SUGCT: variants seen among roughly 807,000 people sequenced by gnomAD.
SUGCT encodes the protein succinyl-CoA:glutarate CoA-transferase.
Under a neutral mutation model 55.0 loss-of-function variants are expected in SUGCT, and 41 were observed. That is an observed-to-expected ratio of 0.74 (90% CI 0.58 to 0.97). The LOEUF is 0.97. Among genes scored for constraint, SUGCT ranks in the 50% least tolerant of loss-of-function variants. The pLI is 0.00. For missense variants in SUGCT, 568 were observed against 547.8 expected (o/e 1.04, Z -0.37); for synonymous variants, 187 against 200.4 (o/e 0.93, Z 0.56).
chr7:40,377,226 CT>C (rs1784639133), intron 9 of SUGCT, among the ~76,000 whole-genome samples: 1 of 14,714 alleles, frequency 6.8e-5, no homozygotes, highest in Non-Finnish European at 2.0e-4. Context: ...TCTTTTCTTT[CT>C]TTCTTCCCTT....
At chr7:40,390,297 A>G (rs539986582) in intron 9 of SUGCT, among the ~76,000 whole-genome samples, 3 of 152,276 alleles carry the variant, frequency 2.0e-5, no homozygotes, top group African/African-American at 2.4e-5. Context: ...CAATCAGGCA[A>G]GAGAAAGAAA....
intron 9 of SUGCT, among the ~76,000 whole-genome samples, chr7:40,434,835 T>C (rs1223530967): frequency 6.6e-6 from 1 of 152,170 alleles, no homozygotes; most frequent in East Asian, 1.9e-4. Context: ...TATAAATGTC[T>C]ATACATATAT....
intron 1 of SUGCT, among the ~76,000 whole-genome samples, chr7:40,143,288 A>G (rs1788081678): frequency 1.3e-5 from 2 of 152,240 alleles, no homozygotes; most frequent in East Asian, 3.8e-4. Flanking sequence ...ACTTCACTGC[A>G]TCCTGTTAAG....
At chr7:40,931,838 A>G in the SUGCT span, among the ~76,000 whole-genome samples, 3 of 152,066 alleles carry the variant, frequency 2.0e-5, no homozygotes, top group East Asian at 5.8e-4. Flanking sequence ...TCTTGCTAGC[A>G]GTCTATCAAT....
chr7:40,280,124 A>G (rs1416720129), intron 8 of SUGCT, among the ~76,000 whole-genome samples: 12 of 152,228 alleles, frequency 7.9e-5, no homozygotes. Flanking sequence ...TTATTAACTC[A>G]GAAATGATTG....
intron 8 of SUGCT, among the ~76,000 whole-genome samples, chr7:40,297,846 A>G (rs1418019443): frequency 6.6e-6 from 1 of 152,122 alleles, no homozygotes; most frequent in Non-Finnish European, 1.5e-5. Flanking sequence ...AAACTCAGAG[A>G]CGAAATTTTT....
chr7:40,366,436 C>T (rs1425904458), intron 9 of SUGCT, among the ~76,000 whole-genome samples: 2 of 151,954 alleles, frequency 1.3e-5, no homozygotes. Context: ...AACTAAAGAG[C>T]TTCTGCACAG....
intron 9 of SUGCT, among the ~76,000 whole-genome samples, chr7:40,395,315 C>T (rs1785662403): frequency 6.6e-6 from 1 of 151,594 alleles, no homozygotes; most frequent in Admixed American, 6.6e-5. Flanking sequence ...ATGGTGAAAC[C>T]TCGTCTCTAC....
At chr7:40,762,416 GT>G (rs1199816019) in intron 13 of SUGCT, among the ~76,000 whole-genome samples, 1 of 152,166 alleles carries the variant, frequency 6.6e-6, no homozygotes, top group Admixed American at 6.5e-5. Context: ...TGACAGTGAG[GT>G]TTATGATAGC....
the SUGCT span, among the ~76,000 whole-genome samples, chr7:40,969,867 C>T: frequency 1.3e-5 from 2 of 152,078 alleles, no homozygotes; most frequent in East Asian, 3.8e-4. Flanking sequence ...TGCTTAGTTC[C>T]ACAGGATAAT....
the SUGCT span, among the ~76,000 whole-genome samples, chr7:41,009,057 G>A: frequency 6.6e-6 from 1 of 152,056 alleles, no homozygotes; most frequent in South Asian, 2.1e-4. Flanking sequence ...CAGTTCTAAA[G>A]AATGCAATTT....
chr7:40,338,646 C>T (rs113486369), intron 9 of SUGCT, among the ~76,000 whole-genome samples: 2,328 of 152,194 alleles, frequency 0.015, 49 homozygotes, highest in South Asian at 0.06. Context: ...GTTAGCCATT[C>T]GTCTTATCTT....
At chr7:40,638,374 A>AAGCAG (rs1275818496) in intron 12 of SUGCT, among the ~76,000 whole-genome samples, 1 of 152,210 alleles carries the variant, frequency 6.6e-6, no homozygotes, top group Non-Finnish European at 1.5e-5. Context: ...AGAGTAGGTG[A>AAGCAG]AGCTCTGGCT....
At chr7:40,695,950 A>G (rs1784916781) in intron 12 of SUGCT, among the ~76,000 whole-genome samples, 1 of 152,190 alleles carries the variant, frequency 6.6e-6, no homozygotes, top group East Asian at 1.9e-4. Flanking sequence ...GAGGTTGAGT[A>G]GCTTTTCTAA....
chr7:40,227,043 C>CTTTTTTT (rs35073564), intron 6 of SUGCT, among the ~76,000 whole-genome samples: 1 of 96,224 alleles, frequency 1.0e-5, no homozygotes, highest in Non-Finnish European at 2.0e-5. Context: ...TTTAATAGAT[C>CTTTTTTT]TTTTTTTTTT....
chr7:40,666,911 T>C (rs991318413), intron 12 of SUGCT, among the ~76,000 whole-genome samples: 1 of 152,100 alleles, frequency 6.6e-6, no homozygotes, highest in African/African-American at 2.4e-5. Flanking sequence ...GAGGATTGCT[T>C]GAGCCCAGGA....
At chr7:40,190,757 C>CT (rs1319734406) in intron 5 of SUGCT, among the ~76,000 whole-genome samples, 2 of 152,184 alleles carry the variant, frequency 1.3e-5, no homozygotes, top group African/African-American at 4.8e-5. Flanking sequence ...TAGTATTCTT[C>CT]TGTATTCAGG....
the SUGCT span, chr7:40,979,379 T>C: frequency 1.3e-5 from 2 of 152,244 alleles, no homozygotes; most frequent in Non-Finnish European, 2.9e-5. Context: ...TTTACCTTTA[T>C]GTAGGTACTA....
At chr7:40,935,732 A>G in the SUGCT span, among the ~76,000 whole-genome samples, 1 of 152,180 alleles carries the variant, frequency 6.6e-6, no homozygotes, top group African/African-American at 2.4e-5. Context: ...TTGCATGAAC[A>G]TTGTTTTCAA....
Sources: gnomAD v4.1 joint callset for allele counts (sites outside exome capture counted in the v4.1 genomes callset) on GRCh38, gnomAD v4.1.1 for gene constraint, MANE v1.5 for transcripts, NCBI Gene and HGNC (gene_info 2026-07-23, HGNC 2026-07-21) for gene names.